Variants in PCDHGB4 observed in about 807,000 individuals in gnomAD.
PCDHGB4 encodes the protein protocadherin gamma-B4.
PCDHGB4 carries 38 observed loss-of-function variants against 60.5 expected under a neutral mutation model. That is an observed-to-expected ratio of 0.63 (90% confidence interval 0.48 to 0.82). The LOEUF (loss-of-function observed/expected upper bound fraction) is 0.82. PCDHGB4 is among the 40% of genes least tolerant of loss of function. The probability of loss-of-function intolerance (pLI) is 0.00; values close to 1 mark genes in which losing one functional copy is unlikely to be tolerated. For synonymous variants in PCDHGB4, 456 were observed against 509.7 expected, an observed-to-expected ratio of 0.89 and a Z score of 1.42; for missense variants, 1,109 against 1,209.6, an observed-to-expected ratio of 0.92 and a Z score of 1.23.
chr5:141,491,783 A>C lies in PCDHGB4; in HGVS notation c.2398-3024A>C. 1 of 1,539,736 alleles carries C rather than the reference A, an allele frequency of 6.5e-7. No individual in the cohort carries two copies. The highest frequency in any genetic ancestry group is 1.2e-5 in the South Asian group (1 of 82,444). On this transcript the variant is annotated intron_variant, in intron 1 of 3. Coordinates refer to ENST00000519479, the MANE Select transcript of PCDHGB4 (RefSeq NM_003736.4). The surrounding 1 kb of genome is among the most constrained non-coding windows in gnomAD (Gnocchi z 6.9). ...CGTCCTCATAAGGGATTGAACTTGC[A>C]TCCACTCCTCTCCGGCCGGCTTGGT...
intron 1 of PCDHGB4, among the ~76,000 whole-genome samples, chr5:141,470,737 G>A (rs117064561): frequency 6.6e-6 from 1 of 152,016 alleles, no homozygotes; most frequent in African/African-American, 2.4e-5. Flanking sequence ...TTGCTCTGTC[G>A]CCCTGGCTGG....
At position 141,399,013 on chromosome 5, in the gene PCDHGB4, G is replaced by A. The variant is rs145783835; in HGVS notation, c.2397+8732G>A. 9.5e-3 allele frequency: 15,345 copies of A among 1,613,900 alleles called. 158 individuals are homozygous for A. Among genetic ancestry groups the A allele is most frequent in the South Asian group, 0.02 (1,850 of 91,076 alleles). On this transcript the variant is annotated intron_variant, in intron 1 of 3. Coordinates refer to ENST00000519479, the MANE Select transcript of PCDHGB4 (RefSeq NM_003736.4). ...CTTTAGTCTGAATTCAAAGAGCGGA[G>A]AAATTACCACTCAAAAGAAACTGGA...
chr5:141,480,837 G>T (rs1435750544), intron 1 of PCDHGB4, among the ~76,000 whole-genome samples: 2 of 152,168 alleles, frequency 1.3e-5, no homozygotes, highest in African/African-American at 4.8e-5. Flanking sequence ...ATAAGATCAG[G>T]AGTTTGAGAC....
At chr5:141,472,323 C>T (rs980684595) in intron 1 of PCDHGB4, among the ~76,000 whole-genome samples, 4 of 151,498 alleles carry the variant, frequency 2.6e-5, no homozygotes, top group East Asian at 2.0e-4. Flanking sequence ...AGGCAGATCA[C>T]GAGGTTGGGA....
chr5:141,438,054 T>C (rs1451843979), intron 1 of PCDHGB4, among the ~76,000 whole-genome samples: 2 of 152,182 alleles, frequency 1.3e-5, no homozygotes, highest in African/African-American at 4.8e-5. Flanking sequence ...TTGAGTTCAC[T>C]TTTAAGAAAC....
At position 141,485,437 on chromosome 5, in the gene PCDHGB4, C is replaced by A. The variant is rs2099613420; in HGVS notation, c.2398-9370C>A. The A allele has an allele frequency of 6.2e-7, 1 of 1,614,174 alleles. No individual in the cohort carries two copies. Among genetic ancestry groups the A allele is most frequent in the Non-Finnish European group, 8.5e-7 (1 of 1,180,028 alleles). On this transcript the variant is annotated intron_variant, in intron 1 of 3. Transcript: ENST00000519479. The surrounding 1 kb of genome is among the most constrained non-coding windows in gnomAD (Gnocchi z 5.7). ...ACAGCGGAGCCCTGCTCATCAAGAA[C>A]CCAATCGACCGAGAGGCACTGTGTG...
At chr5:141,397,223 T>C (rs144227558) in intron 1 of PCDHGB4, among the ~76,000 whole-genome samples, 1 of 152,304 alleles carries the variant, frequency 6.6e-6, no homozygotes, top group East Asian at 1.9e-4. Context: ...TATTTTGAGA[T>C]ATGAAGAAGA....
rs1416883218 is a variant in PCDHGB4, at chr5:141,428,027, G to A, written c.2397+37746G>A. On this transcript the variant is annotated intron_variant, in intron 1 of 3. Coordinates refer to ENST00000519479, the MANE Select transcript of PCDHGB4 (RefSeq NM_003736.4). ...TCGATATAGTGCCACGCGCCGCAGAGTCCGGCTACCTGGTGACCAAGGTGG... is the reference window on the plus strand; with the variant it reads ...TCGATATAGTGCCACGCGCCGCAGAATCCGGCTACCTGGTGACCAAGGTGG... 1.9e-6 allele frequency: 3 copies of A among 1,606,742 alleles called. No homozygotes were observed. The Admixed American group carries it at 5.0e-5, about 27-fold the overall frequency.
Position 141,432,488 on chromosome 5 carries a change from C to G in PCDHGB4, c.2397+42207C>G. 6.2e-7 allele frequency: 1 copy of G among 1,614,202 alleles called. No homozygotes were observed. Among genetic ancestry groups the G allele is most frequent in the Non-Finnish European group, 8.5e-7 (1 of 1,180,048 alleles). On this transcript the variant is annotated intron_variant, in intron 1 of 3. Coordinates refer to ENST00000519479, the MANE Select transcript of PCDHGB4 (RefSeq NM_003736.4). This position sits in a 1 kb window ranked among gnomAD's most constrained non-coding sequence, Gnocchi z 6.0. ...CACGGACGGTTCCACTGGCGTGGAGCTGGCTCCCCGCTCCGCAGAGCCCGG... is the reference window on the plus strand; with the variant it reads ...CACGGACGGTTCCACTGGCGTGGAGGTGGCTCCCCGCTCCGCAGAGCCCGG...
intron 1 of PCDHGB4, chr5:141,409,177 T>C: frequency 3.1e-6 from 5 of 1,613,944 alleles, no homozygotes; most frequent in Non-Finnish European, 4.2e-6. Context: ...AGGACGGAGG[T>C]GGTCTCTCTA....
Position 141,447,048 on chromosome 5 carries a change from A to G in PCDHGB4, c.2398-47759A>G, listed in dbSNP as rs149112101. Among the ~76,000 whole-genome samples, 216 of 152,182 alleles carry G rather than the reference A, an allele frequency of 1.4e-3. 1 individual carries two copies. Among genetic ancestry groups the G allele is most frequent in the African/African-American group, 4.8e-3 (198 of 41,512 alleles). On this transcript the variant is annotated intron_variant, in intron 1 of 3. Transcript: ENST00000519479. ...GTTTTTTTTCTGTGTCTGGAATTCT[A>G]TTAAAATGTGTCAGGCTGTTTTAAT...
At chr5:141,422,153 AT>A (rs750082013) in intron 1 of PCDHGB4, 4 of 1,575,250 alleles carry the variant, frequency 2.5e-6, no homozygotes, top group Non-Finnish European at 3.4e-6. Context: ...GGGTCTCTGG[AT>A]TTTGAAAAAT....
intron 3 of PCDHGB4, 134 bp downstream of exon 3, chr5:141,505,615 C>T: frequency 2.0e-6 from 3 of 1,504,946 alleles, no homozygotes; most frequent in Non-Finnish European, 1.8e-6. Flanking sequence ...TCTGAAAGGA[C>T]CCACAATTCC....
At chr5:141,475,512 C>A (rs2099364350) in intron 1 of PCDHGB4, among the ~76,000 whole-genome samples, 2 of 152,326 alleles carry the variant, frequency 1.3e-5, no homozygotes, top group South Asian at 4.1e-4. Context: ...AATGTCTCCA[C>A]GGAAATGCTA....
In PCDHGB4 at chr5:141,485,624, C is replaced by T; in HGVS notation, c.2398-9183C>T. 1 of 1,611,640 alleles carries T rather than the reference C, an allele frequency of 6.2e-7. No homozygotes were observed. The highest frequency in any genetic ancestry group is 1.1e-5 in the South Asian group (1 of 90,868). The stretch of plus-strand genomic sequence containing the variant: ...TGGGGAGGCAGCTCCTCCAGGACAG[C>T]GTTTCCCGTTGGAAAAGGCTCAGGA... On this transcript the variant is annotated intron_variant, in intron 1 of 3. Transcript: ENST00000519479. This position sits in a 1 kb window ranked among gnomAD's most constrained non-coding sequence, Gnocchi z 5.7.
Position 141,485,684 on chromosome 5 carries a change from A to T in PCDHGB4, c.2398-9123A>T, listed in dbSNP as rs746176226. On this transcript the variant is annotated intron_variant, in intron 1 of 3. Transcript: ENST00000519479. The surrounding 1 kb of genome is among the most constrained non-coding windows in gnomAD (Gnocchi z 5.7). ...GGGGAGCAATTCGATTAGCAGCTAT[A>T]GGCTGAGCTCCAATGAACACTTTGC... 1 of 1,614,056 alleles carries T rather than the reference A, an allele frequency of 6.2e-7. No homozygotes were observed. The highest frequency in any genetic ancestry group is 1.1e-5 in the South Asian group (1 of 91,082).
At chr5:141,472,219 A>C (rs2099274667) in intron 1 of PCDHGB4, among the ~76,000 whole-genome samples, 1 of 152,210 alleles carries the variant, frequency 6.6e-6, no homozygotes, top group Non-Finnish European at 1.5e-5. Context: ...CTTACTCTCG[A>C]TCATATAATA....
chr5:141,485,338 T>C lies in PCDHGB4; in HGVS notation c.2398-9469T>C, dbSNP rs1259658641. The stretch of plus-strand genomic sequence containing the variant: ...ATGTCGCTCAAGATTTCCTGCTGGA[T>C]ACGGACAGTCTGTCAGCTCGCAGGC... On this transcript the variant is annotated intron_variant, in intron 1 of 3. Coordinates refer to ENST00000519479, the MANE Select transcript of PCDHGB4 (RefSeq NM_003736.4). The surrounding 1 kb of genome is among the most constrained non-coding windows in gnomAD (Gnocchi z 5.7). 1 of 1,614,140 alleles carries C rather than the reference T, an allele frequency of 6.2e-7. No individual in the cohort carries two copies. Among genetic ancestry groups the C allele is most frequent in the Non-Finnish European group, 8.5e-7 (1 of 1,180,006 alleles).
At chr5:141,420,546 G>A in intron 1 of PCDHGB4, 1 of 284,254 alleles carries the variant, frequency 3.5e-6, no homozygotes, top group South Asian at 1.2e-4. Context: ...ATAAAATACA[G>A]GTATATTTTT....
Sources: allele counts gnomAD v4.1 joint callset (sites outside exome capture counted in the v4.1 genomes callset), GRCh38; gene constraint gnomAD v4.1.1; non-coding constraint Gnocchi (gnomAD v3.1); transcripts MANE v1.5; gene names NCBI Gene and HGNC (gene_info 2026-07-23, HGNC 2026-07-21).